The following AXIN2 variants were observed in gnomAD, a reference collection of about 807,000 sequenced individuals.
AXIN2 encodes the protein axin-2.
In AXIN2, 21 loss-of-function variants were observed where a neutral mutation model predicts 74.7. The ratio of observed to expected loss-of-function variants is 0.28; its 90% CI spans 0.20 to 0.40. The LOEUF (loss-of-function observed/expected upper bound fraction) is 0.40. AXIN2 is among the 10% of genes least tolerant of loss of function. AXIN2 has a pLI of 1.00. For synonymous variants in AXIN2, 532 were observed against 454.9 expected, an observed-to-expected ratio of 1.17 and a Z score of -2.16; for missense variants, 1,144 against 1,111.1, an observed-to-expected ratio of 1.03 and a Z score of -0.42.
intron 3 of AXIN2, 65 bp from the exon 4 acceptor site, chr17:65,541,622 T>TGAA: frequency 3.8e-6 from 5 of 1,320,810 alleles, no homozygotes; most frequent in Non-Finnish European, 5.5e-6. Context: ...TCACATGGGC[T>TGAA]ACTGTCATAT....
chr17:65,543,788 G>C (rs2044076802), intron 3 of AXIN2, among the ~76,000 whole-genome samples: 3 of 152,172 alleles, frequency 2.0e-5, no homozygotes, highest in Admixed American at 2.0e-4. Flanking sequence ...CATTGATAAG[G>C]CATGAGGGGG....
rs1230715098 is a variant in AXIN2, at chr17:65,535,693, T to C, written c.2170A>G (p.Arg724Gly). 9.3e-6 allele frequency: 15 copies of C among 1,614,212 alleles called. No individual in the cohort carries two copies. The highest frequency in any genetic ancestry group is 1.2e-5 in the Non-Finnish European group (14 of 1,180,028). Reference protein sequence around the residue: ...RCCVASQQRDRNHSATVQTGA... With the variant: ...RCCVASQQRDGNHSATVQTGA... ...GTCTGAACAGTGGCCGAATGATTCC[T>C]GTCCCTCTGCTGACTGGCCACACAG... Residue 724 changes from arginine to glycine, a missense_variant, in exon 9 of 11, where the codon AGG (arginine) becomes GGG (glycine). Coordinates refer to ENST00000307078, the MANE Select transcript of AXIN2 (RefSeq NM_004655.4).
Position 65,557,963 on chromosome 17 carries a change from C to A in AXIN2, c.658G>T (p.Val220Phe). The change falls in exon 2 of 11, where the codon GTC becomes TTC. Residue 220 changes from valine to phenylalanine, a missense_variant. Around this residue, in one of 4 missense-constraint regions of AXIN2, gnomAD observed 1,053 missense variants for 973.5 expected, o/e 1.08. Transcript: ENST00000307078. Reference protein sequence around the residue: ...MSNGGLGSLKVVCGYLPTLNE... With the variant: ...MSNGGLGSLKFVCGYLPTLNE... ...AAGGTGGGGAGATAGCCACACACGA[C>A]CTTTAGGCTCCCGAGTCCCCCATTA... is the stretch of plus-strand genomic sequence containing the variant. 1 of 1,614,198 alleles carries A rather than the reference C, an allele frequency of 6.2e-7. No homozygotes were observed. Among genetic ancestry groups the A allele is most frequent in the Non-Finnish European group, 8.5e-7 (1 of 1,180,044 alleles).
At position 65,536,911 on chromosome 17, in the gene AXIN2, C is replaced by T; in HGVS notation, c.1865G>A (p.Trp622Ter). The change falls in exon 7 of 11, where the codon TGG becomes TAG. Residue 622 changes from tryptophan (W) to a stop codon, truncating the protein, a stop_gained. Coordinates refer to ENST00000307078, the MANE Select transcript of AXIN2 (RefSeq NM_004655.4). LOFTEE classifies it high-confidence loss of function. ...GCTCTGCCGCTCACTCTCCAGCATC[C>T]ACTGCCAGACATCCTGCGACCTGTC... ...EGDRSQDVWQ[W>*]MLESERQSKP... The T allele has an allele frequency of 1.2e-6, 2 of 1,613,694 alleles. No individual in the cohort carries two copies. Among genetic ancestry groups the T allele is most frequent in the Non-Finnish European group, 8.5e-7 (1 of 1,180,004 alleles).
chr17:65,554,016 C>T (rs2044231774), intron 2 of AXIN2, among the ~76,000 whole-genome samples: 1 of 152,186 alleles, frequency 6.6e-6, no homozygotes, highest in Non-Finnish European at 1.5e-5. Context: ...ACCTGGTTTG[C>T]AACCTCAGTA....
rs1439853340 is a variant in AXIN2, at chr17:65,537,004, G to A, written c.1772C>T (p.Ala591Val). ...GGCCCCTCCTTCCCTGGCGGGCAGG[G>A]CCAGGCCCGGCTCCGTGCCTTTCCC... ...RNGKGTEPGL[A>V]LPAREGGAPG... is the part of the protein sequence containing the mutation. The change falls in exon 7 of 11, where the codon GCC becomes GTC. Residue 591 changes from alanine to valine, a missense_variant. Ala to Val is a moderately conservative substitution (Grantham distance 64, BLOSUM62 0). Around this residue, in one of 4 missense-constraint regions of AXIN2, gnomAD observed 1,053 missense variants for 973.5 expected, o/e 1.08. Transcript: ENST00000307078. The A allele has an allele frequency of 6.2e-7, 1 of 1,611,620 alleles. No individual in the cohort carries two copies. Among genetic ancestry groups the A allele is most frequent in the Admixed American group, 1.7e-5 (1 of 59,972 alleles).
chr17:65,557,725 A>C, intron 2 of AXIN2, 81 bp downstream of exon 2: 1 of 1,403,924 alleles, frequency 7.1e-7, no homozygotes, highest in East Asian at 2.3e-5. Flanking sequence ...TCTCTGCAGC[A>C]CACCCATCCA....
In AXIN2 at chr17:65,536,420, G is replaced by C. The variant is rs911977110; in HGVS notation, c.2041C>G (p.Gln681Glu). ...GTCAGGGGAGGCATCGCAGGGTCCT[G>C]GGTGAACAGGTGGGCACGGGGGGTG... ...RTTPRAHLFT[Q>E]DPAMPPLTPP... The change falls in exon 8 of 11, where the codon CAG becomes GAG. Residue 681 changes from glutamine (Q) to glutamate (E), a missense_variant. Physicochemically the swap from Gln to Glu is conservative, Grantham distance 29 (BLOSUM62 2). Around this residue, in one of 4 missense-constraint regions of AXIN2, gnomAD observed 1,053 missense variants for 973.5 expected, o/e 1.08. Coordinates refer to ENST00000307078, the MANE Select transcript of AXIN2 (RefSeq NM_004655.4). 7.4e-6 allele frequency: 12 copies of C among 1,613,728 alleles called. No individual in the cohort carries two copies. The African/African-American group carries it at 1.5e-4, about 20-fold the overall frequency.
intron 1 of AXIN2, chr17:65,561,033 G>C (rs954968048): frequency 1.3e-5 from 2 of 149,164 alleles, no homozygotes; most frequent in African/African-American, 4.9e-5. Context: ...GCCGGGGAGG[G>C]GGAACGGCGC....
chr17:65,558,431 C>T lies in AXIN2; in HGVS notation c.190G>A (p.Glu64Lys), dbSNP rs1018099753. 6.2e-7 allele frequency: 1 copy of T among 1,600,072 alleles called. No individual in the cohort carries two copies. The highest frequency in any genetic ancestry group is 8.5e-7 in the Non-Finnish European group (1 of 1,171,402). ...NTRRNEDGLGEPEGRASPDSP... is the reference protein window; with the variant it reads ...NTRRNEDGLGKPEGRASPDSP... ...TCCGGAGATGCCCGCCCCTCCGGCT[C>T]CCCCAACCCATCTTCGTTCCGCCTG... The change falls in exon 2 of 11, where the codon GAG becomes AAG. Residue 64 changes from glutamate to lysine, a missense_variant. By Grantham distance (56) the Glu-to-Lys change is moderately conservative (BLOSUM62 1). Around this residue, in one of 4 missense-constraint regions of AXIN2, gnomAD observed 1,053 missense variants for 973.5 expected, o/e 1.08. Transcript: ENST00000307078.
At chr17:65,556,138 AGGGGAGGGTTCACAGCAGAGCCCTGCCT>A (rs2044263177) in intron 2 of AXIN2, among the ~76,000 whole-genome samples, 1 of 152,140 alleles carries the variant, frequency 6.6e-6, no homozygotes, top group Non-Finnish European at 1.5e-5. Context: ...CCACCCACAA[AGGGGAGGGTTCACAGCAGAGCCCTGCCT>A]GGGGAGGGCG....
intron 3 of AXIN2, among the ~76,000 whole-genome samples, chr17:65,544,685 G>C (rs936152005): frequency 5.9e-5 from 9 of 152,038 alleles, no homozygotes; most frequent in Admixed American, 1.3e-4. Flanking sequence ...GTCCCTATAC[G>C]GTCTCCTTTA....
At chr17:65,539,053 G>A (rs2043998480) in intron 4 of AXIN2, among the ~76,000 whole-genome samples, 1 of 152,112 alleles carries the variant, frequency 6.6e-6, no homozygotes, top group Non-Finnish European at 1.5e-5. Context: ...ATCTATCAAG[G>A]GAAAAGGGAA....
At position 65,534,065 on chromosome 17, in the gene AXIN2, T is replaced by G; in HGVS notation, c.2252A>C (p.Lys751Thr). Residue 751 changes from lysine to threonine, a missense_variant, in exon 10 of 11, where the codon AAG becomes ACG. By Grantham distance (78) the Lys-to-Thr change is moderately conservative (BLOSUM62 -1). Transcript: ENST00000307078. ...GAGCGCGTGGACACCTGCCAGTTTC[T>G]TTGGCTCTTTGTGACTGAAAATAAG... ...SLAPEDHKEP[K>T]KLAGVHALQA... 6.2e-7 allele frequency: 1 copy of G among 1,614,260 alleles called. No individual in the cohort carries two copies. Among genetic ancestry groups the G allele is most frequent in the Non-Finnish European group, 8.5e-7 (1 of 1,180,052 alleles).
intron 2 of AXIN2, among the ~76,000 whole-genome samples, chr17:65,553,220 A>G (rs892418968): frequency 6.6e-6 from 1 of 152,218 alleles, no homozygotes; most frequent in African/African-American, 2.4e-5. Flanking sequence ...TCCGACGCTG[A>G]AAGTAGTGAG....
At chr17:65,534,664 C>T (rs568270976) in intron 9 of AXIN2, among the ~76,000 whole-genome samples, 7 of 152,252 alleles carry the variant, frequency 4.6e-5, no homozygotes, top group African/African-American at 1.7e-4. Context: ...CGTGGTGGCT[C>T]ACGCCTGTAA....
intron 9 of AXIN2, 33 bp downstream of exon 9, chr17:65,535,593 C>A (rs1472941033): frequency 6.3e-7 from 1 of 1,586,492 alleles, no homozygotes. Context: ...AAGCACTCGG[C>A]AGATCTCAGT....
At chr17:65,551,011 T>A (rs1157330347) in intron 2 of AXIN2, among the ~76,000 whole-genome samples, 5 of 152,214 alleles carry the variant, frequency 3.3e-5, no homozygotes, top group Admixed American at 3.3e-4. Flanking sequence ...CAGCTGGAAC[T>A]GGTGGGCATG....
rs562659369 is a variant in AXIN2, at chr17:65,546,095, G to A, written c.956+3425C>T. 3.6e-3 allele frequency among the ~76,000 whole-genome samples: 425 copies of A among 118,674 alleles called. 4 individuals are homozygous for A. The highest frequency in any genetic ancestry group is 0.013 in the African/African-American group (409 of 31,030). The allele number at this position is 118,674 out of a possible 152,430, so 77.9% of individuals were successfully genotyped here. A position where few individuals can be genotyped will look rare whatever the true frequency, so the allele number is the denominator to read the frequency against. On this transcript the variant is annotated intron_variant, in intron 3 of 10. Coordinates refer to ENST00000307078, the MANE Select transcript of AXIN2 (RefSeq NM_004655.4). The stretch of plus-strand genomic sequence containing the variant: ...TCCCTCCCCAGCTCCCAGCAGGGCA[G>A]CCAGCCCCCCTCCCCAGCCCCTCAC...
Sources: allele counts gnomAD v4.1 joint callset (sites outside exome capture counted in the v4.1 genomes callset), GRCh38; gene constraint gnomAD v4.1.1; regional missense constraint gnomAD v4.1.1; transcripts MANE v1.5; gene names NCBI Gene and HGNC (gene_info 2026-07-23, HGNC 2026-07-21).